Variants in COL25A1 observed in about 807,000 individuals in gnomAD.
The protein encoded by COL25A1 is collagen type XXV alpha 1 chain.
A neutral mutation model predicts 128.4 loss-of-function variants in COL25A1; 103 were observed. The ratio of observed to expected loss-of-function variants is 0.80; its 90% CI spans 0.68 to 0.94. The LOEUF is 0.94. Ranked by LOEUF, COL25A1 falls within the 40% of genes least tolerant of loss-of-function variation. COL25A1 has a pLI of 0.00. For synonymous variants in COL25A1, 279 were observed against 277.2 expected (o/e 1.01, Z -0.06); for missense variants, 745 against 840.0 (o/e 0.89, Z 1.40).
chr4:108,993,860 C>CA (rs34070808), intron 6 of COL25A1, among the ~76,000 whole-genome samples: 2,851 of 132,766 alleles, frequency 0.021, 77 homozygotes, highest in African/African-American at 0.04. Flanking sequence ...AACTCCATCT[C>CA]AAAAAAAAAA....
intron 6 of COL25A1, among the ~76,000 whole-genome samples, chr4:109,000,300 A>G (rs1441310727): frequency 6.6e-6 from 1 of 152,216 alleles, no homozygotes; most frequent in Non-Finnish European, 1.5e-5. Context: ...GAGATAAGAC[A>G]TAATTATCTC....
intron 3 of COL25A1, among the ~76,000 whole-genome samples, chr4:109,073,893 A>G (rs1248347394): frequency 2.6e-5 from 4 of 152,218 alleles, no homozygotes; most frequent in Non-Finnish European, 5.9e-5. Flanking sequence ...ACAGTTTAAT[A>G]AATAGAAAAA....
chr4:109,166,449 A>G (rs1005663738), intron 3 of COL25A1, among the ~76,000 whole-genome samples: 31 of 152,192 alleles, frequency 2.0e-4, no homozygotes, highest in African/African-American at 7.2e-4. Flanking sequence ...TGAGAATTCA[A>G]CTGAATCAGT....
intron 6 of COL25A1, among the ~76,000 whole-genome samples, chr4:108,990,575 T>A (rs1255219446): frequency 6.6e-6 from 1 of 152,062 alleles, no homozygotes; most frequent in Admixed American, 6.5e-5. Flanking sequence ...CTATCTACTT[T>A]GAGGTTATTA....
chr4:109,017,285 T>A (rs1322388205), intron 5 of COL25A1, among the ~76,000 whole-genome samples: 2 of 152,188 alleles, frequency 1.3e-5, no homozygotes, highest in Non-Finnish European at 2.9e-5. Flanking sequence ...CACACACCCC[T>A]CATCATTTGG....
intron 3 of COL25A1, among the ~76,000 whole-genome samples, chr4:109,267,638 C>T (rs1162991884): frequency 6.6e-6 from 1 of 152,098 alleles, no homozygotes; most frequent in African/African-American, 2.4e-5. Flanking sequence ...CATCCCTAAT[C>T]CAAAAATCTG....
intron 6 of COL25A1, among the ~76,000 whole-genome samples, chr4:109,008,685 G>C (rs1271964157): frequency 5.3e-5 from 8 of 151,980 alleles, no homozygotes; most frequent in African/African-American, 1.9e-4. Context: ...TAACCTCCCA[G>C]TTTATGGTGT....
At chr4:108,973,124 G>A (rs569862189) in intron 8 of COL25A1, among the ~76,000 whole-genome samples, 1 of 152,280 alleles carries the variant, frequency 6.6e-6, no homozygotes, top group East Asian at 1.9e-4. Context: ...AATGATACTC[G>A]ATATGAGGAG....
intron 3 of COL25A1, among the ~76,000 whole-genome samples, chr4:109,288,098 A>G (rs1372111986): frequency 1.3e-5 from 2 of 152,288 alleles, no homozygotes; most frequent in East Asian, 3.9e-4. Flanking sequence ...AGAGGCAACC[A>G]TATGCTCATA....
chr4:109,187,386 G>C (rs1050076471), intron 3 of COL25A1, among the ~76,000 whole-genome samples: 1 of 152,132 alleles, frequency 6.6e-6, no homozygotes, highest in East Asian at 1.9e-4. Flanking sequence ...ATAGATAATG[G>C]AGCCACACTG....
At chr4:108,866,733 T>A (rs939735308) in intron 20 of COL25A1, among the ~76,000 whole-genome samples, 2 of 152,240 alleles carry the variant, frequency 1.3e-5, no homozygotes. Context: ...AAAATAACCA[T>A]GACTTTCCCA....
chr4:108,973,167 G>A (rs913459699), intron 8 of COL25A1, among the ~76,000 whole-genome samples: 1 of 152,124 alleles, frequency 6.6e-6, no homozygotes, highest in East Asian at 1.9e-4. Context: ...CACATACAGA[G>A]CAAATGGCTG....
intron 3 of COL25A1, among the ~76,000 whole-genome samples, chr4:109,077,284 C>A (rs1277231015): frequency 6.6e-6 from 1 of 152,146 alleles, no homozygotes; most frequent in African/African-American, 2.4e-5. Flanking sequence ...GAATCCATAT[C>A]TATACAGCAA....
At chr4:109,269,394 C>T (rs1278515093) in intron 3 of COL25A1, among the ~76,000 whole-genome samples, 5 of 145,494 alleles carry the variant, frequency 3.4e-5, no homozygotes, top group Admixed American at 2.1e-4. Flanking sequence ...AATAAACATA[C>T]GTGTGCATGT....
chr4:108,818,361 T>A (rs1731442920), intron 36 of COL25A1, among the ~76,000 whole-genome samples: 1 of 152,086 alleles, frequency 6.6e-6, no homozygotes, highest in Admixed American at 6.5e-5. Context: ...TGCTTATACC[T>A]GAAGAATAAT....
At chr4:109,118,213 A>G (rs1416715245) in intron 3 of COL25A1, among the ~76,000 whole-genome samples, 1 of 151,966 alleles carries the variant, frequency 6.6e-6, no homozygotes, top group African/African-American at 2.4e-5. Context: ...AAGTATTAAT[A>G]GAGAAAGGGG....
chr4:109,072,726 C>T (rs1763071890), intron 3 of COL25A1, among the ~76,000 whole-genome samples: 1 of 152,158 alleles, frequency 6.6e-6, no homozygotes, highest in Non-Finnish European at 1.5e-5. Flanking sequence ...GATGACAACA[C>T]CATGACCACT....
intron 18 of COL25A1, among the ~76,000 whole-genome samples, chr4:108,886,492 G>GTGTGTTTTTTTTTTT (rs58157157): frequency 1.8e-5 from 2 of 109,248 alleles, no homozygotes; most frequent in African/African-American, 8.0e-5. Flanking sequence ...GTGTGTGTGT[G>GTGTGTTTTTTTTTTT]TTTAGCTCAT....
intron 35 of COL25A1, 136 bp downstream of exon 35, chr4:108,824,038 T>A: frequency 3.1e-6 from 5 of 1,611,514 alleles, no homozygotes; most frequent in Non-Finnish European, 3.4e-6. Context: ...CCTGATTCCT[T>A]AAATCAGGCA....
Sources: allele counts gnomAD v4.1 joint callset (sites outside exome capture counted in the v4.1 genomes callset), GRCh38; gene constraint gnomAD v4.1.1; transcripts MANE v1.5; gene names NCBI Gene and HGNC (gene_info 2026-07-23, HGNC 2026-07-21).